The following ADH5 variants were observed in gnomAD, a reference collection of about 807,000 sequenced individuals.
ADH5 encodes alcohol dehydrogenase class-3.
ADH5 carries 32 observed loss-of-function variants against 40.3 expected under a neutral mutation model. That is an observed-to-expected ratio of 0.79 (90% CI 0.60 to 1.07). ADH5 has a LOEUF of 1.07. Ranked by LOEUF, ADH5 falls within the 50% of genes least tolerant of loss-of-function variation. The pLI is 0.00. For missense variants in ADH5, 353 were observed against 460.5 expected (o/e 0.77, Z 2.14); for synonymous variants, 125 against 154.3 (o/e 0.81, Z 1.41).
intron 4 of ADH5, chr4:99,080,389 C>T (rs28730605): frequency 0.086 from 14,643 of 170,048 alleles, 701 homozygotes; most frequent in African/African-American, 0.099. Context: ...GTCCAGTCGC[C>T]TTTGTGAAGA....
chr4:99,076,950 A>G, intron 4 of ADH5, 27 bp from the exon 5 acceptor site: 1 of 1,533,616 alleles, frequency 6.5e-7, no homozygotes, highest in Non-Finnish European at 8.9e-7. Flanking sequence ...GAAAAAGGCA[A>G]GTTGGAATTA....
chr4:99,075,048 C>G lies in ADH5; in HGVS notation c.827G>C (p.Arg276Thr). Residue 276 changes from arginine (R) to threonine (T), a missense_variant and splice_region_variant, in exon 7 of 9, where the codon AGA becomes ACA. Transcript: ENST00000296412. ...CTTGTGACATGCCTCAAGTGCTGCT[C>G]TCTGCAGGCACAGAGATATGACCAA... ...FECIGNVKVM[R>T]AALEACHKGW... 1.2e-6 allele frequency: 2 copies of G among 1,607,948 alleles called. No homozygotes were observed. The highest frequency in any genetic ancestry group is 1.7e-5 in the Admixed American group (1 of 59,356).
intron 1 of ADH5, among the ~76,000 whole-genome samples, chr4:99,086,654 G>T (rs1302478016): frequency 6.6e-6 from 1 of 152,022 alleles, no homozygotes; most frequent in Admixed American, 6.6e-5. Flanking sequence ...GAAAGAATAT[G>T]AAGTCCCTGG....
chr4:99,084,310 G>A (rs1728087129), intron 2 of ADH5, among the ~76,000 whole-genome samples: 2 of 152,160 alleles, frequency 1.3e-5, no homozygotes, highest in African/African-American at 4.8e-5. Flanking sequence ...GGGTAAAGAA[G>A]CCAGCAAAAA....
chr4:99,085,764 T>C (rs1728123969), intron 1 of ADH5: 2 of 157,224 alleles, frequency 1.3e-5, no homozygotes, highest in African/African-American at 4.8e-5. Flanking sequence ...CTGGCCGGGC[T>C]TGGCTGCTCA....
At chr4:99,086,603 G>T (rs1035006488) in intron 1 of ADH5, among the ~76,000 whole-genome samples, 1 of 152,126 alleles carries the variant, frequency 6.6e-6, no homozygotes, top group Non-Finnish European at 1.5e-5. Flanking sequence ...ATAAATGGTG[G>T]TAAAACACCT....
At chr4:99,075,222 G>T (rs1154416) in intron 6 of ADH5, 173 bp from the exon 7 acceptor site, 228,831 of 402,516 alleles carry the variant, frequency 0.57, 63,162 homozygotes, top group East Asian at 0.81. Context: ...AATTTTTTTT[G>T]TTGTTTTTTT....
Position 99,085,132 on chromosome 4 carries a change from G to A in ADH5, c.97C>T (p.His33Tyr). 6.6e-7 allele frequency: 1 copy of A among 1,520,152 alleles called. No homozygotes were observed. The highest frequency in any genetic ancestry group is 8.8e-7 in the Non-Finnish European group (1 of 1,132,080). 94.2% of individuals were successfully genotyped at this position (1,520,152 alleles called of 1,614,324 possible). ...ATCATTACCTTGATTCGAACTTCAT[G>A]AGCCTTTGGGGGTGCCACCTCTATC... ...EEIEVAPPKA[H>Y]EVRIKIIATA... Residue 33 changes from histidine (H) to tyrosine (Y), a missense_variant, in exon 2 of 9, where the codon CAT becomes TAT. By Grantham distance (83) the His-to-Tyr change is moderately conservative. Transcript: ENST00000296412.
In ADH5 at chr4:99,075,073, A is replaced by C. The variant is rs749866392; in HGVS notation, c.826-24T>G. The C allele has an allele frequency of 5.8e-6, 9 of 1,539,562 alleles. No individual in the cohort carries two copies. The African/African-American group carries it at 8.2e-5, about 14-fold the overall frequency. On this transcript the variant is annotated intron_variant, in intron 6 of 8. Transcript: ENST00000296412. ...CTCTGCAGGCACAGAGATATGACCA[A>C]ATCACAGAAGTCAGTGCATTTTCCT...
At chr4:99,082,182 A>C in intron 2 of ADH5, 66 bp from the exon 3 acceptor site, 10 of 1,499,428 alleles carry the variant, frequency 6.7e-6, no homozygotes, top group Non-Finnish European at 9.1e-6. Flanking sequence ...TACAGATACA[A>C]GAAAAGTCAT....
intron 7 of ADH5, among the ~76,000 whole-genome samples, chr4:99,073,663 T>C (rs1273240027): frequency 6.6e-6 from 1 of 152,192 alleles, no homozygotes; most frequent in Non-Finnish European, 1.5e-5. Flanking sequence ...CCACAAATGG[T>C]AGGGATTTTT....
At chr4:99,077,980 A>G (rs919855595) in intron 4 of ADH5, among the ~76,000 whole-genome samples, 16 of 152,210 alleles carry the variant, frequency 1.1e-4, no homozygotes, top group Non-Finnish European at 2.4e-4. Context: ...AATTGCTATA[A>G]AAGTCTAATG....
At chr4:99,075,924 C>A (rs561923868) in intron 6 of ADH5, 42 of 182,942 alleles carry the variant, frequency 2.3e-4, no homozygotes, top group Admixed American at 2.2e-3. Flanking sequence ...CAACCTGTAC[C>A]TGCATTTTAC....
rs1358813004 is a variant in ADH5, at chr4:99,076,522, C to T, written c.595G>A (p.Gly199Ser). 6.8e-6 allele frequency: 11 copies of T among 1,614,026 alleles called. No individual in the cohort carries two copies. Among genetic ancestry groups the T allele is most frequent in the Non-Finnish European group, 9.3e-6 (11 of 1,179,922 alleles). ...LEPGSVCAVF[G>S]LGGVGLAVIM... The stretch of plus-strand genomic sequence containing the variant: ...ACTGCCAATCCGACTCCTCCCAGAC[C>T]AAAGACGGCACAAACAGAGCCAGGC... Residue 199 changes from glycine to serine, a missense_variant, in exon 6 of 9, where the codon GGT (glycine) becomes AGT (serine). By Grantham distance (56) the Gly-to-Ser change is moderately conservative. Transcript: ENST00000296412.
intron 1 of ADH5, among the ~76,000 whole-genome samples, chr4:99,086,637 T>A (rs1024476780): frequency 2.6e-5 from 4 of 152,020 alleles, no homozygotes; most frequent in Non-Finnish European, 5.9e-5. Context: ...TTGTGAGAAC[T>A]GAATAAGAAA....
intron 2 of ADH5, among the ~76,000 whole-genome samples, chr4:99,084,791 A>G (rs1728098986): frequency 6.6e-6 from 1 of 152,196 alleles, no homozygotes; most frequent in Admixed American, 6.5e-5. Context: ...GTGTCAGCAT[A>G]TATTTAAAGT....
rs1311057800 is a variant in ADH5, at chr4:99,076,553, C to A, written c.565-1G>T. Reference sequence around the variant, plus strand: ...CGGCACAAACAGAGCCAGGCTCCAACTAGGAGTAAAGAAAGTTTATAAAGT... The same window carrying A: ...CGGCACAAACAGAGCCAGGCTCCAAATAGGAGTAAAGAAAGTTTATAAAGT... On this transcript the variant is annotated splice_acceptor_variant, in intron 5 of 8. Transcript: ENST00000296412. LOFTEE classifies it high-confidence loss of function. The A allele has an allele frequency of 6.2e-7, 1 of 1,612,070 alleles. No homozygotes were observed. The highest frequency in any genetic ancestry group is 1.3e-5 in the African/African-American group (1 of 74,734).
Position 99,072,600 on chromosome 4 carries a change from G to A in ADH5, c.1073C>T (p.Ala358Val), listed in dbSNP as rs1369423989. The A allele has an allele frequency of 6.2e-7, 1 of 1,613,334 alleles. No homozygotes were observed. The highest frequency in any genetic ancestry group is 1.1e-5 in the South Asian group (1 of 90,898). ...CTTTCCAGAATGCATCAGTTCAAAGGCTTTGTTGATTTCATCAAAAGACAG... is the reference window on the plus strand; with the variant it reads ...CTTTCCAGAATGCATCAGTTCAAAGACTTTGTTGATTTCATCAAAAGACAG... ...HNLSFDEINK[A>V]FELMHSGKSI... Residue 358 changes from alanine (A) to valine (V), a missense_variant, in exon 8 of 9, where the codon GCC (alanine) becomes GTC (valine). Physicochemically the swap from Ala to Val is moderately conservative, Grantham distance 64. Transcript: ENST00000296412.
chr4:99,072,571 A>T lies in ADH5; in HGVS notation c.1100+2T>A. The T allele has an allele frequency of 6.2e-7, 1 of 1,610,420 alleles. No homozygotes were observed. The highest frequency in any genetic ancestry group is 2.2e-5 in the East Asian group (1 of 44,840). The stretch of plus-strand genomic sequence containing the variant: ...TCTATGATATATAAAGAGAAAGCCT[A>T]CCTCTTTCCAGAATGCATCAGTTCA... On this transcript the variant is annotated splice_donor_variant, in intron 8 of 8. Transcript: ENST00000296412. LOFTEE classifies it high-confidence loss of function.
Sources: gnomAD v4.1 joint callset for allele counts (sites outside exome capture counted in the v4.1 genomes callset) on GRCh38, gnomAD v4.1.1 for gene constraint, MANE v1.5 for transcripts, NCBI Gene and HGNC (gene_info 2026-07-23, HGNC 2026-07-21) for gene names.